F10: variants seen among roughly 807,000 people sequenced by gnomAD.
F10 encodes coagulation factor X.
F10 carries 29 observed loss-of-function variants against 37.1 expected under a neutral mutation model. The observed-to-expected ratio is 0.78, with a 90% CI of 0.58 to 1.07. The LOEUF is 1.07. Ranked by LOEUF, F10 falls within the 50% of genes least tolerant of loss-of-function variation. The probability of loss-of-function intolerance (pLI) is 0.00; values close to 1 mark genes in which losing one functional copy is unlikely to be tolerated. For synonymous variants in F10, 262 were observed against 268.6 expected (o/e 0.98, Z 0.24); for missense variants, 539 against 667.9 (o/e 0.81, Z 2.13).
chr13:113,129,422 G>T (rs368616641), intron 1 of F10, 30 bp from the exon 2 acceptor site: 81 of 1,612,668 alleles, frequency 5.0e-5, no homozygotes, highest in Non-Finnish European at 6.4e-5. Context: ...GGTGACCAGA[G>T]CTTTTAACCC....
At chr13:113,147,339 C>T (rs748176276) in intron 6 of F10, 40 bp from the exon 7 acceptor site, 80 of 1,408,460 alleles carry the variant, frequency 5.7e-5, no homozygotes, top group Non-Finnish European at 7.6e-5. Context: ...AACACCTGTC[C>T]ACCTGGCCAG....
intron 6 of F10, among the ~76,000 whole-genome samples, chr13:113,145,805 A>G (rs937679749): frequency 1.3e-5 from 2 of 152,232 alleles, no homozygotes; most frequent in Non-Finnish European, 2.9e-5. Context: ...CACTTCCACC[A>G]GAACAGCATG....
At chr13:113,126,421 C>CG (rs1273236507) in intron 1 of F10, among the ~76,000 whole-genome samples, 1 of 152,010 alleles carries the variant, frequency 6.6e-6, no homozygotes, top group Non-Finnish European at 1.5e-5. Flanking sequence ...TGGGGATGCT[C>CG]GGGGGTGGAT....
At chr13:113,129,837 G>A (rs181664561) in intron 2 of F10, among the ~76,000 whole-genome samples, 3 of 152,364 alleles carry the variant, frequency 2.0e-5, no homozygotes, top group South Asian at 2.1e-4. Context: ...ACTCAGCGGG[G>A]AGGGATGCGC....
intron 1 of F10, among the ~76,000 whole-genome samples, chr13:113,127,131 ACT>A (rs1023052697): frequency 3.9e-5 from 6 of 152,252 alleles, no homozygotes; most frequent in Non-Finnish European, 5.9e-5. Context: ...TGTATACCAA[ACT>A]CAACACTAGG....
At position 113,148,399 on chromosome 13, in the gene F10, T is replaced by TATACAC. The variant is rs138750596; in HGVS notation, c.866-516_866-515insTACACA. Among the ~76,000 whole-genome samples, 30 of 138,620 alleles carry TATACAC rather than the reference T, an allele frequency of 2.2e-4. No homozygotes were observed. The East Asian group carries it at 3.1e-3, about 15-fold the overall frequency. 90.9% of individuals were successfully genotyped at this position (138,620 alleles called of 152,430 possible). A position where few individuals can be genotyped will look rare whatever the true frequency, so the allele number is the denominator to read the frequency against. ...ATGTGTATATATATATACATATATA[T>TATACAC]ACACACACACACACAATTTCCATAA... On this transcript the variant is annotated intron_variant, in intron 7 of 7. Transcript: ENST00000375559.
At chr13:113,142,511 T>G (rs1261225331) in intron 5 of F10, among the ~76,000 whole-genome samples, 2 of 136,760 alleles carry the variant, frequency 1.5e-5, no homozygotes, top group African/African-American at 2.7e-5. Flanking sequence ...GAGCCGAGAT[T>G]GCGCCACTGC....
chr13:113,147,303 C>A, intron 6 of F10, 76 bp from the exon 7 acceptor site: 1 of 999,108 alleles, frequency 1.0e-6, no homozygotes, highest in Non-Finnish European at 1.6e-6. Flanking sequence ...GCAGTGCCAC[C>A]TGAAGAGCTG....
rs761968844 is a variant in F10 at position 113,144,666 on chromosome 13, A to C, written c.747+571A>C. On this transcript the variant is annotated intron_variant, in intron 6 of 7. Transcript: ENST00000375559. The surrounding 1 kb of genome is among the most constrained non-coding windows in gnomAD (Gnocchi z 6.4). Reference sequence around the variant, plus strand: ...CCTATGGAGGTAGATAGTACCTTAGAGAAAAACACATCTACTTATTTTCAA... The same window carrying C: ...CCTATGGAGGTAGATAGTACCTTAGCGAAAAACACATCTACTTATTTTCAA... Among the ~76,000 whole-genome samples, 1 of 152,254 alleles carries C rather than the reference A, an allele frequency of 6.6e-6. No individual in the cohort carries two copies. Among genetic ancestry groups the C allele is most frequent in the Non-Finnish European group, 1.5e-5 (1 of 68,046 alleles).
At chr13:113,145,655 G>C (rs2036575683) in intron 6 of F10, among the ~76,000 whole-genome samples, 4 of 152,192 alleles carry the variant, frequency 2.6e-5, no homozygotes, top group Admixed American at 2.6e-4. Flanking sequence ...TGAACTCACA[G>C]TTCCACGTGG....
At chr13:113,123,336 AG>A (rs1380898131) in intron 1 of F10, among the ~76,000 whole-genome samples, 1 of 152,142 alleles carries the variant, frequency 6.6e-6, no homozygotes, top group Non-Finnish European at 1.5e-5. Context: ...GCACAGGACG[AG>A]GGGCACAGCA....
At chr13:113,127,293 G>C (rs3211730) in intron 1 of F10, among the ~76,000 whole-genome samples, 2,552 of 152,326 alleles carry the variant, frequency 0.017, 41 homozygotes, top group South Asian at 0.085. Context: ...AGAGTTTGGA[G>C]TTCTGAGATG....
chr13:113,147,543 T>C (rs749277390), intron 7 of F10, 47 bp downstream of exon 7: 19 of 1,134,318 alleles, frequency 1.7e-5, no homozygotes, highest in Admixed American at 6.7e-5. Context: ...GCACCGTCAC[T>C]GTCTGCTTTT....
rs2138544526 is a variant in F10 at position 113,141,456 on chromosome 13, C to A, written c.502+406C>A. On this transcript the variant is annotated intron_variant, in intron 5 of 7. Coordinates refer to ENST00000375559, the MANE Select transcript of F10 (RefSeq NM_000504.4). The surrounding 1 kb of genome is among the most constrained non-coding windows in gnomAD (Gnocchi z 5.4). ...CAGGGCAGGCAAAGGGCAGAGCTGGCCCGAGGAACTGGAGCTAAGGTGCGG... is the reference window on the plus strand; with the variant it reads ...CAGGGCAGGCAAAGGGCAGAGCTGGACCGAGGAACTGGAGCTAAGGTGCGG... Among the ~76,000 whole-genome samples the A allele has an allele frequency of 6.6e-6, 1 of 152,288 alleles. No homozygotes were observed. Among genetic ancestry groups the A allele is most frequent in the Non-Finnish European group, 1.5e-5 (1 of 68,012 alleles).
At chr13:113,130,467 C>G (rs1488149156) in intron 2 of F10, 2 of 152,514 alleles carry the variant, frequency 1.3e-5, no homozygotes. Context: ...TGATGCCGAA[C>G]TGACAAGAAT....
Position 113,141,098 on chromosome 13 carries a change from C to T in F10, c.502+48C>T. The T allele has an allele frequency of 2.5e-6, 4 of 1,609,260 alleles. No individual in the cohort carries two copies. Among genetic ancestry groups the T allele is most frequent in the Non-Finnish European group, 3.4e-6 (4 of 1,179,464 alleles). On this transcript the variant is annotated intron_variant, in intron 5 of 7. Coordinates refer to ENST00000375559, the MANE Select transcript of F10 (RefSeq NM_000504.4). The surrounding 1 kb of genome is among the most constrained non-coding windows in gnomAD (Gnocchi z 5.4). ...GCCACCCGCTGCCGCTGGGCCGGGCCAGGGAGGACAAGCCCGTGCCAGGGG... is the reference window on the plus strand; with the variant it reads ...GCCACCCGCTGCCGCTGGGCCGGGCTAGGGAGGACAAGCCCGTGCCAGGGG...
At chr13:113,134,442 T>C (rs1465084487) in intron 2 of F10, among the ~76,000 whole-genome samples, 1 of 152,136 alleles carries the variant, frequency 6.6e-6, no homozygotes, top group Non-Finnish European at 1.5e-5. Flanking sequence ...CTTCTTCACA[T>C]GGCTGTAGGA....
chr13:113,149,071 G>C lies in F10; in HGVS notation c.1021G>C (p.Ala341Pro), dbSNP rs921968693. ...CACCTTCCGCATGAACGTGGCGCCT[G>C]CCTGCCTCCCCGAGCGTGACTGGGC... ...PITFRMNVAP[A>P]CLPERDWAES... The change falls in exon 8 of 8, where the codon GCC becomes CCC. Residue 341 changes from alanine to proline, a missense_variant. Ala to Pro is a conservative substitution (Grantham distance 27). Around this residue, in one of 2 missense-constraint regions of F10, gnomAD observed 409 missense variants for 547.9 expected, o/e 0.75. Transcript: ENST00000375559. The surrounding 1 kb of genome is among the most constrained non-coding windows in gnomAD (Gnocchi z 7.5). 1 of 1,613,292 alleles carries C rather than the reference G, an allele frequency of 6.2e-7. No individual in the cohort carries two copies. Among genetic ancestry groups the C allele is most frequent in the Non-Finnish European group, 8.5e-7 (1 of 1,180,018 alleles).
At chr13:113,140,450 T>G (rs2036517167) in intron 4 of F10, 1 of 462,184 alleles carries the variant, frequency 2.2e-6, no homozygotes, top group African/African-American at 2.0e-5. Context: ...GAATATCAAT[T>G]ACGCATCATT....
Sources: gnomAD v4.1 joint callset for allele counts (sites outside exome capture counted in the v4.1 genomes callset) on GRCh38, gnomAD v4.1.1 for gene constraint, gnomAD v4.1.1 regional missense constraint, Gnocchi (gnomAD v3.1) non-coding constraint, MANE v1.5 for transcripts, NCBI Gene and HGNC (gene_info 2026-07-23, HGNC 2026-07-21) for gene names.